Variants in SHTN1 observed in about 807,000 individuals in gnomAD.
SHTN1 encodes shootin 1, also known as shootin-1.
Under a neutral mutation model 83.1 loss-of-function variants are expected in SHTN1, and 42 were observed. The ratio of observed to expected loss-of-function variants is 0.51; its 90% confidence interval spans 0.39 to 0.65. The LOEUF (loss-of-function observed/expected upper bound fraction) is 0.65, where lower values mean the gene tolerates loss of function less well. SHTN1 is among the 30% of genes least tolerant of loss of function. The probability of loss-of-function intolerance (pLI) is 0.00; values close to 1 mark genes in which losing one functional copy is unlikely to be tolerated. For synonymous variants in SHTN1, 224 were observed against 247.7 expected, an observed-to-expected ratio of 0.90 and a Z score of 0.90; for missense variants, 622 against 737.8, an observed-to-expected ratio of 0.84 and a Z score of 1.82.
chr10:117,051,445 G>C (rs1423010905), intron 1 of SHTN1, among the ~76,000 whole-genome samples: 1 of 151,892 alleles, frequency 6.6e-6, no homozygotes, highest in African/African-American at 2.4e-5. Flanking sequence ...CACCAAGCCA[G>C]ACAAAGACAA....
chr10:116,919,691 G>A (rs1848487737), intron 12 of SHTN1, among the ~76,000 whole-genome samples: 2 of 152,078 alleles, frequency 1.3e-5, no homozygotes, highest in South Asian at 4.2e-4. Context: ...ACAGCATCAG[G>A]AAACGCTAAT....
intron 2 of SHTN1, among the ~76,000 whole-genome samples, chr10:117,034,071 G>A (rs1041464160): frequency 3.3e-5 from 5 of 151,592 alleles, no homozygotes; most frequent in African/African-American, 1.2e-4. Context: ...CTCACAGCTG[G>A]TATCATACTG....
intron 1 of SHTN1, among the ~76,000 whole-genome samples, chr10:117,104,629 A>C (rs1276527745): frequency 2.6e-5 from 4 of 151,960 alleles, no homozygotes; most frequent in South Asian, 2.1e-4. Context: ...AAAAAATTGG[A>C]CGGGCGTGGT....
chr10:116,962,315 G>T (rs1436160046), intron 3 of SHTN1, among the ~76,000 whole-genome samples: 1 of 151,782 alleles, frequency 6.6e-6, no homozygotes, highest in Non-Finnish European at 1.5e-5. Context: ...TAAATAATAG[G>T]CTCTATTATT....
chr10:117,051,998 T>TCATATATATATATATATATATATA (rs1852748268), intron 1 of SHTN1, among the ~76,000 whole-genome samples: 2 of 5,980 alleles, frequency 3.3e-4, no homozygotes, highest in Non-Finnish European at 1.4e-3. Flanking sequence ...AATGACATAA[T>TCATATATATATATATATATATATA]CATATATATA....
chr10:116,999,156 C>T (rs1195730474), intron 1 of SHTN1, among the ~76,000 whole-genome samples: 1 of 151,976 alleles, frequency 6.6e-6, no homozygotes, highest in African/African-American at 2.4e-5. Flanking sequence ...ATAGCAAAAA[C>T]AAGGAAAGAA....
intron 1 of SHTN1, among the ~76,000 whole-genome samples, chr10:116,988,908 G>A (rs898139186): frequency 4.6e-5 from 7 of 152,098 alleles, no homozygotes; most frequent in African/African-American, 1.2e-4. Flanking sequence ...CAATAAAAGC[G>A]TGTTCCTTCT....
chr10:117,024,335 T>C (rs1428346589), intron 2 of SHTN1, among the ~76,000 whole-genome samples: 1 of 150,588 alleles, frequency 6.6e-6, no homozygotes, highest in East Asian at 2.0e-4. Flanking sequence ...TGTATACACT[T>C]GTCAAAACTT....
At chr10:116,898,224 A>G (rs1220356540) in intron 16 of SHTN1, among the ~76,000 whole-genome samples, 2 of 151,934 alleles carry the variant, frequency 1.3e-5, no homozygotes, top group Non-Finnish European at 2.9e-5. Context: ...GCTACTCGGG[A>G]GGCTGAGGCA....
At chr10:116,948,854 C>A in intron 7 of SHTN1, 62 bp downstream of exon 7, 4 of 1,168,562 alleles carry the variant, frequency 3.4e-6, no homozygotes, top group South Asian at 2.1e-5. Flanking sequence ...AAATGACACA[C>A]AATATATGCA....
intron 2 of SHTN1, among the ~76,000 whole-genome samples, chr10:117,039,670 G>A (rs149933948): frequency 6.6e-5 from 10 of 151,910 alleles, no homozygotes; most frequent in African/African-American, 2.2e-4. Context: ...TGGTTAACAC[G>A]GTGAAAACCC....
At chr10:116,932,521 A>G (rs2133382490) in intron 9 of SHTN1, among the ~76,000 whole-genome samples, 1 of 152,238 alleles carries the variant, frequency 6.6e-6, no homozygotes, top group African/African-American at 2.4e-5. Flanking sequence ...ACTGGTCCCT[A>G]GTGCCAAAAA....
chr10:116,947,595 G>C (rs767009130), intron 7 of SHTN1, among the ~76,000 whole-genome samples: 9 of 152,102 alleles, frequency 5.9e-5, no homozygotes, highest in African/African-American at 2.2e-4. Flanking sequence ...AGAAAACAAA[G>C]AACACTATGA....
chr10:116,886,186 G>A lies in SHTN1; in HGVS notation c.*158C>T, dbSNP rs1847157109. On this transcript the variant is annotated 3_prime_UTR_variant, in exon 17 of 17. Coordinates refer to ENST00000355371, the MANE Select transcript of SHTN1 (RefSeq NM_001127211.3). ...GTGTTTTGCTAAACAGCTTACTTAT[G>A]TTTATAGTTGCTACTTACAAAAGTG... The A allele has an allele frequency of 1.9e-6, 2 of 1,040,924 alleles. No homozygotes were observed. The highest frequency in any genetic ancestry group is 5.7e-5 in the Admixed American group (2 of 35,350). The allele number at this position is 1,040,924 out of a possible 1,614,324, so 64.5% of individuals were successfully genotyped here.
At chr10:117,111,571 C>T (rs576045452) in intron 1 of SHTN1, among the ~76,000 whole-genome samples, 1 of 152,140 alleles carries the variant, frequency 6.6e-6, no homozygotes, top group African/African-American at 2.4e-5. Flanking sequence ...GGATTACAGG[C>T]GTGAGCCACT....
chr10:116,974,148 C>T (rs1850711745), intron 2 of SHTN1: 6 of 1,046,436 alleles, frequency 5.7e-6, no homozygotes, highest in Non-Finnish European at 7.0e-6. Flanking sequence ...GCAGCATTCT[C>T]CAAATTCTAG....
intron 1 of SHTN1, among the ~76,000 whole-genome samples, chr10:116,981,423 G>A (rs367579922): frequency 6.2e-4 from 95 of 152,162 alleles, no homozygotes; most frequent in African/African-American, 1.1e-3. Flanking sequence ...CACACGCACC[G>A]CAAGAACTAA....
chr10:117,045,408 G>A (rs1300142856), intron 2 of SHTN1, among the ~76,000 whole-genome samples: 1 of 152,100 alleles, frequency 6.6e-6, no homozygotes, highest in African/African-American at 2.4e-5. Context: ...CTAGTCACAG[G>A]ACTATAGCAC....
chr10:116,962,299 G>A (rs1245845308), intron 3 of SHTN1, among the ~76,000 whole-genome samples: 1 of 152,024 alleles, frequency 6.6e-6, no homozygotes, highest in East Asian at 1.9e-4. Context: ...CTTTTATATT[G>A]TAGTTTAAAT....
Sources: gnomAD v4.1 joint callset for allele counts (sites outside exome capture counted in the v4.1 genomes callset) on GRCh38, gnomAD v4.1.1 for gene constraint, MANE v1.5 for transcripts, NCBI Gene and HGNC (gene_info 2026-07-23, HGNC 2026-07-21) for gene names.